Variants in SAG observed in about 807,000 individuals in gnomAD.
SAG encodes S-arrestin.
In SAG, 45 loss-of-function variants were observed where a neutral mutation model predicts 55.0. That is an observed-to-expected ratio of 0.82 (90% CI 0.64 to 1.05). The LOEUF (loss-of-function observed/expected upper bound fraction) is 1.05, where lower values mean the gene tolerates loss of function less well. Among genes scored for constraint, SAG ranks in the 50% least tolerant of loss-of-function variants. SAG has a pLI of 0.00. For synonymous variants in SAG, 189 were observed against 197.4 expected (o/e 0.96, Z 0.36); for missense variants, 455 against 512.1 (o/e 0.89, Z 1.08).
chr2:233,312,705 C>T (rs1279532146), intron 2 of SAG, among the ~76,000 whole-genome samples: 2 of 152,186 alleles, frequency 1.3e-5, no homozygotes, highest in East Asian at 1.9e-4. Context: ...GAAGCATTCT[C>T]GGGGCCCCGG....
At chr2:233,346,470 C>G in intron 15 of SAG, 58 bp downstream of exon 15, 2 of 1,575,742 alleles carry the variant, frequency 1.3e-6, no homozygotes, top group Admixed American at 1.7e-5. Flanking sequence ...ACCTTCTCCT[C>G]CAGCACAAAA....
At chr2:233,334,641 CAA>C in intron 10 of SAG, 1 of 246,084 alleles carries the variant, frequency 4.1e-6, no homozygotes. Flanking sequence ...GTGTGGTTCA[CAA>C]AGTCTCAGGA....
rs151133269 is a variant in SAG, at chr2:233,331,932, A to T, written c.806+220A>T. 1.0e-3 allele frequency: 588 copies of T among 564,988 alleles called. 1 individual carries two copies. Among genetic ancestry groups the T allele is most frequent in the African/African-American group, 0.01 (552 of 53,138 alleles). 35.0% of individuals were successfully genotyped at this position (564,988 alleles called of 1,614,324 possible). The stretch of plus-strand genomic sequence containing the variant: ...CATCTTACAGGAGTTCTGAGGATTA[A>T]TGCAAGCCAAAGAATGACGCAGAGG... On this transcript the variant is annotated intron_variant, in intron 10 of 15. Transcript: ENST00000409110.
intron 12 of SAG, among the ~76,000 whole-genome samples, chr2:233,339,555 T>C (rs1469749276): frequency 7.2e-6 from 1 of 138,658 alleles, no homozygotes; most frequent in African/African-American, 2.5e-5. Context: ...TTTTTTTTTT[T>C]TCACTGTGGA....
chr2:233,335,612 A>C (rs1700901288), intron 11 of SAG, among the ~76,000 whole-genome samples: 1 of 152,070 alleles, frequency 6.6e-6, no homozygotes, highest in Non-Finnish European at 1.5e-5. Context: ...CATTTCCATC[A>C]GGAATTGTAA....
intron 3 of SAG, among the ~76,000 whole-genome samples, chr2:233,317,806 T>C (rs1201006030): frequency 6.6e-6 from 1 of 152,198 alleles, no homozygotes; most frequent in Non-Finnish European, 1.5e-5. Flanking sequence ...TATGTGTGTG[T>C]GTGTATATAT....
rs142208869 is a variant in SAG at position 233,337,881 on chromosome 2, A to G, written c.945-795A>G. On this transcript the variant is annotated intron_variant, in intron 11 of 15. Coordinates refer to ENST00000409110, the MANE Select transcript of SAG (RefSeq NM_000541.5). The stretch of plus-strand genomic sequence containing the variant: ...TCCTCCGCGTTGGATCCCACGCGAT[A>G]AGCATCTGTGATGAAATGCCCGGCA... 2.6e-4 allele frequency among the ~76,000 whole-genome samples: 40 copies of G among 152,348 alleles called. 1 individual carries two copies. Among genetic ancestry groups the G allele is most frequent in the Non-Finnish European group, 4.9e-4 (33 of 68,038 alleles).
intron 15 of SAG, 62 bp from the exon 16 acceptor site, chr2:233,346,745 C>T (rs1701263603): frequency 5.4e-6 from 6 of 1,121,070 alleles, no homozygotes; most frequent in African/African-American, 4.6e-5. Flanking sequence ...GATCAAGGAT[C>T]TTGTTTCAGT....
chr2:233,321,599 TG>T (rs1329172013), intron 5 of SAG, among the ~76,000 whole-genome samples: 2 of 151,982 alleles, frequency 1.3e-5, no homozygotes, highest in Non-Finnish European at 2.9e-5. Context: ...TCCCACAGGC[TG>T]GGGGGTTGGA....
chr2:233,341,582 A>T (rs911412414), intron 13 of SAG, among the ~76,000 whole-genome samples: 5 of 152,258 alleles, frequency 3.3e-5, no homozygotes, highest in African/African-American at 1.2e-4. Flanking sequence ...TAAGTGAAAG[A>T]AACCAATAAC....
At chr2:233,325,041 C>T (rs183773262) in intron 6 of SAG, among the ~76,000 whole-genome samples, 1 of 152,168 alleles carries the variant, frequency 6.6e-6, no homozygotes, top group African/African-American at 2.4e-5. Flanking sequence ...GCCTGGCCAA[C>T]ATGGCAAAAC....
chr2:233,309,935 A>G (rs2125318421), intron 2 of SAG, among the ~76,000 whole-genome samples: 1 of 152,272 alleles, frequency 6.6e-6, no homozygotes, highest in South Asian at 2.1e-4. Flanking sequence ...CCTTTTGTCT[A>G]TCTATTGTGT....
chr2:233,313,230 C>G (rs964166481), intron 2 of SAG, among the ~76,000 whole-genome samples: 1 of 152,086 alleles, frequency 6.6e-6, no homozygotes, highest in African/African-American at 2.4e-5. Context: ...GGTAGGATTT[C>G]CCCCAGGTGA....
intron 14 of SAG, chr2:233,345,983 TCTC>T (rs999139880): frequency 6.5e-6 from 1 of 153,062 alleles, no homozygotes; most frequent in African/African-American, 2.4e-5. Flanking sequence ...TGAAACCCCT[TCTC>T]TACTACAGAT....
At position 233,320,750 on chromosome 2, in the gene SAG, C is replaced by A; in HGVS notation, c.302C>A (p.Ala101Glu). 6.2e-7 allele frequency: 1 copy of A among 1,606,328 alleles called. No homozygotes were observed. The highest frequency in any genetic ancestry group is 8.5e-7 in the Non-Finnish European group (1 of 1,176,570). ...CAGGTGTATCCTCCTGTGGGGGCCG[C>A]GAGCACCCCCACAAAACTGCAAGAG... is the stretch of plus-strand genomic sequence containing the variant. ...RVQVYPPVGA[A>E]STPTKLQESL... Residue 101 changes from alanine (A) to glutamate (E), a missense_variant, in exon 5 of 16, where the codon GCG (alanine) becomes GAG (glutamate). Ala to Glu is a moderately radical substitution (Grantham distance 107, BLOSUM62 -1). Coordinates refer to ENST00000409110, the MANE Select transcript of SAG (RefSeq NM_000541.5).
Position 233,331,885 on chromosome 2 carries a change from A to G in SAG, c.806+173A>G, listed in dbSNP as rs912217917. 18 of 638,210 alleles carry G rather than the reference A, an allele frequency of 2.8e-5. No homozygotes were observed. The African/African-American group carries it at 3.3e-4, about 12-fold the overall frequency. The allele number at this position is 638,210 out of a possible 1,614,324, so 39.5% of individuals were successfully genotyped here. A position where few individuals can be genotyped will look rare whatever the true frequency, so the allele number is the denominator to read the frequency against. On this transcript the variant is annotated intron_variant, in intron 10 of 15. Transcript: ENST00000409110. Reference sequence around the variant, plus strand: ...CAGAAAGTTAGCATCTTAGCTCTGCATCTACCACACCCCTCTGTGCCCATC... The same window carrying G: ...CAGAAAGTTAGCATCTTAGCTCTGCGTCTACCACACCCCTCTGTGCCCATC...
intron 6 of SAG, 86 bp downstream of exon 6, chr2:233,323,091 C>T (rs1574936814): frequency 1.3e-5 from 11 of 870,618 alleles, no homozygotes; most frequent in Admixed American, 6.8e-5. Context: ...CAGGGTTTTA[C>T]TCTGTCACCA....
chr2:233,320,850 C>T, intron 5 of SAG, 27 bp downstream of exon 5: 1 of 1,546,642 alleles, frequency 6.5e-7, no homozygotes, highest in Non-Finnish European at 8.8e-7. Flanking sequence ...GCCAGCCCTG[C>T]TTCCTTCACC....
At chr2:233,332,159 C>T (rs1367471912) in intron 10 of SAG, 4 of 176,628 alleles carry the variant, frequency 2.3e-5, no homozygotes, top group Non-Finnish European at 4.8e-5. Context: ...TATATCTGTT[C>T]TTAGCCTGTT....
Sources: gnomAD v4.1 joint callset for allele counts (sites outside exome capture counted in the v4.1 genomes callset) on GRCh38, gnomAD v4.1.1 for gene constraint, MANE v1.5 for transcripts, NCBI Gene and HGNC (gene_info 2026-07-23, HGNC 2026-07-21) for gene names.